Variants in NELL1 observed in about 807,000 individuals in gnomAD.
NELL1 encodes protein kinase C-binding protein NELL1.
In NELL1, 76 loss-of-function variants were observed where a neutral mutation model predicts 107.4. The ratio of observed to expected loss-of-function variants is 0.71; its 90% CI spans 0.59 to 0.86. The LOEUF is 0.86. Ranked by LOEUF, NELL1 falls within the 40% of genes least tolerant of loss-of-function variation. The pLI, the probability that NELL1 is intolerant of heterozygous loss-of-function variation, is 0.00. For missense variants in NELL1, 1,024 were observed against 1,005.5 expected (o/e 1.02, Z -0.25); for synonymous variants, 353 against 341.2 (o/e 1.03, Z -0.38).
chr11:21,009,223 T>A (rs1251791297), intron 12 of NELL1, among the ~76,000 whole-genome samples: 1 of 152,172 alleles, frequency 6.6e-6, no homozygotes, highest in Admixed American at 6.5e-5. Flanking sequence ...CTCCTCGGCA[T>A]TGATCCATCC....
At chr11:20,748,049 C>T (rs1175666641) in intron 2 of NELL1, among the ~76,000 whole-genome samples, 1 of 152,180 alleles carries the variant, frequency 6.6e-6, no homozygotes, top group South Asian at 2.1e-4. Context: ...TGAGCTTCTA[C>T]TAAGAGTTAG....
intron 2 of NELL1, among the ~76,000 whole-genome samples, chr11:20,768,331 G>T (rs1009037431): frequency 3.9e-5 from 6 of 152,174 alleles, no homozygotes; most frequent in Admixed American, 3.9e-4. Context: ...CAGCCAAAAG[G>T]CCCCTTGGAT....
rs187861340 is a variant in NELL1, at chr11:21,382,116, A to G, written c.1645+11168A>G. On this transcript the variant is annotated intron_variant, in intron 15 of 19. Coordinates refer to ENST00000357134, the MANE Select transcript of NELL1 (RefSeq NM_006157.5). ...TCTTCGTTGATTCCTCAAATTGAAGAAAGGCAAACATTCTAATTCTCAATT... is the reference window on the plus strand; with the variant it reads ...TCTTCGTTGATTCCTCAAATTGAAGGAAGGCAAACATTCTAATTCTCAATT... 2.6e-3 allele frequency among the ~76,000 whole-genome samples: 398 copies of G among 151,908 alleles called. 2 individuals are homozygous for G. The highest frequency in any genetic ancestry group is 9.1e-3 in the African/African-American group (376 of 41,490).
chr11:21,510,750 G>T (rs1338236682), intron 15 of NELL1, among the ~76,000 whole-genome samples: 4 of 151,944 alleles, frequency 2.6e-5, no homozygotes, highest in African/African-American at 7.3e-5. Context: ...CTGTCCTTTG[G>T]ACCACTCTGT....
intron 11 of NELL1, among the ~76,000 whole-genome samples, chr11:20,950,604 T>C (rs1311494141): frequency 6.6e-6 from 1 of 152,238 alleles, no homozygotes; most frequent in Non-Finnish European, 1.5e-5. Context: ...TGGTTCTTCT[T>C]GCCTCCTCCC....
At chr11:21,142,062 C>A (rs879348654) in intron 13 of NELL1, among the ~76,000 whole-genome samples, 3 of 152,096 alleles carry the variant, frequency 2.0e-5, no homozygotes, top group Non-Finnish European at 2.9e-5. Flanking sequence ...CCACACCTGG[C>A]CTCTCCTTTT....
chr11:21,288,255 C>T (rs1849172965), intron 14 of NELL1, among the ~76,000 whole-genome samples: 1 of 152,168 alleles, frequency 6.6e-6, no homozygotes, highest in African/African-American at 2.4e-5. Flanking sequence ...ATGAAACTAT[C>T]TTACAAAATT....
chr11:21,373,004 G>A (rs1438497066), intron 15 of NELL1, among the ~76,000 whole-genome samples: 1 of 152,038 alleles, frequency 6.6e-6, no homozygotes. Context: ...AGATAGGCAA[G>A]CATGGGTCCC....
rs959658324 is a variant in NELL1 at position 21,473,398 on chromosome 11, A to C, written c.1646-60976A>C. ...ATTGAATGGATCTTAACCACCATCT[A>C]GGTGAACAACTGGCCAATCTATTGA... is the stretch of plus-strand genomic sequence containing the variant. On this transcript the variant is annotated intron_variant, in intron 15 of 19. Transcript: ENST00000357134. Among the ~76,000 whole-genome samples the C allele has an allele frequency of 2.0e-5, 3 of 152,080 alleles. No homozygotes were observed. In the South Asian group the frequency reaches 6.2e-4, roughly 31 times the overall value.
intron 12 of NELL1, among the ~76,000 whole-genome samples, chr11:21,112,206 C>G (rs974271345): frequency 6.6e-6 from 1 of 151,912 alleles, no homozygotes; most frequent in Non-Finnish European, 1.5e-5. Flanking sequence ...CTGTGGGTCT[C>G]CTTCTTAGAT....
intron 14 of NELL1, among the ~76,000 whole-genome samples, chr11:21,309,858 C>T (rs1849711190): frequency 6.6e-6 from 1 of 152,040 alleles, no homozygotes; most frequent in Non-Finnish European, 1.5e-5. Flanking sequence ...ATTCAGTCAC[C>T]TCCCCCTGGG....
At chr11:20,948,323 G>A (rs1851005466) in intron 11 of NELL1, among the ~76,000 whole-genome samples, 1 of 152,022 alleles carries the variant, frequency 6.6e-6, no homozygotes, top group African/African-American at 2.4e-5. Flanking sequence ...AAGGTGTTGG[G>A]AGTACAGGCA....
chr11:21,435,398 G>GTTTGT (rs1554911455), intron 15 of NELL1, among the ~76,000 whole-genome samples: 127 of 146,298 alleles, frequency 8.7e-4, no homozygotes, highest in Middle Eastern at 7.1e-3. Flanking sequence ...TTGTTTGTTT[G>GTTTGT]TTTTTTACCA....
chr11:21,286,784 A>G (rs1158825251), intron 14 of NELL1, among the ~76,000 whole-genome samples: 2 of 152,190 alleles, frequency 1.3e-5, no homozygotes, highest in Non-Finnish European at 2.9e-5. Context: ...TTAGATATGA[A>G]CATCTCTAGG....
At position 21,113,629 on chromosome 11, in the gene NELL1, C is replaced by T. The variant is rs1855158181; in HGVS notation, c.1341C>T (p.Ala447=). Residue 447 remains alanine (A), a synonymous_variant, in exon 13 of 20, where the codon GCC becomes GCT. Transcript: ENST00000357134. ...ECAAKMHYCH[A]NTVCVNLPGL... ...CAGCTAAGATGCATTACTGTCATGC[C>T]AATACTGTGTGTGTCAACCTTCCTG... is the stretch of plus-strand genomic sequence containing the variant. 2 of 1,611,942 alleles carry T rather than the reference C, an allele frequency of 1.2e-6. No homozygotes were observed. The highest frequency in any genetic ancestry group is 1.3e-5 in the African/African-American group (1 of 74,716).
intron 11 of NELL1, among the ~76,000 whole-genome samples, chr11:20,948,785 AAAC>A (rs1230471302): frequency 1.3e-5 from 2 of 151,568 alleles, no homozygotes; most frequent in Admixed American, 6.6e-5. Flanking sequence ...AAAAAAAAAA[AAAC>A]AGTTAAACTC....
At chr11:20,698,363 C>T (rs945607516) in intron 2 of NELL1, among the ~76,000 whole-genome samples, 9 of 152,196 alleles carry the variant, frequency 5.9e-5, no homozygotes, top group African/African-American at 1.9e-4. Flanking sequence ...ACTAAAATCT[C>T]TTCTCTCAGT....
chr11:20,974,164 A>C (rs1268527033), intron 12 of NELL1, among the ~76,000 whole-genome samples: 1 of 152,176 alleles, frequency 6.6e-6, no homozygotes, highest in African/African-American at 2.4e-5. Context: ...CCTGGAACAG[A>C]GTGGGTGCTC....
At chr11:20,851,006 A>G (rs1848785367) in intron 4 of NELL1, among the ~76,000 whole-genome samples, 1 of 152,158 alleles carries the variant, frequency 6.6e-6, no homozygotes. Flanking sequence ...CCTTAGTCTA[A>G]CCCACCCTCC....
Sources: gnomAD v4.1 joint callset for allele counts (sites outside exome capture counted in the v4.1 genomes callset) on GRCh38, gnomAD v4.1.1 for gene constraint, MANE v1.5 for transcripts, NCBI Gene and HGNC (gene_info 2026-07-23, HGNC 2026-07-21) for gene names.